CTNND2: variants seen among roughly 807,000 people sequenced by gnomAD.
CTNND2 encodes catenin delta-2.
Under a neutral mutation model 144.4 loss-of-function variants are expected in CTNND2, and 22 were observed. That is an observed-to-expected ratio of 0.15 (90% CI 0.11 to 0.22). CTNND2 has a LOEUF of 0.22. CTNND2 is among the 10% of genes least tolerant of loss of function. The pLI is 1.00. For missense variants in CTNND2, 1,353 were observed against 1,618.8 expected (o/e 0.84, Z 2.82); for synonymous variants, 751 against 695.6 (o/e 1.08, Z -1.25).
At chr5:11,422,849 C>T (rs1433765938) in intron 3 of CTNND2, among the ~76,000 whole-genome samples, 2 of 152,156 alleles carry the variant, frequency 1.3e-5, no homozygotes, top group Non-Finnish European at 2.9e-5. Flanking sequence ...ACAAGAGACA[C>T]ATTATGCATA....
intron 14 of CTNND2, among the ~76,000 whole-genome samples, chr5:11,106,881 A>G (rs1164966691): frequency 6.6e-6 from 1 of 152,158 alleles, no homozygotes; most frequent in African/African-American, 2.4e-5. Flanking sequence ...GGGGTCCTAA[A>G]GGAAAGGATA....
intron 1 of CTNND2, among the ~76,000 whole-genome samples, chr5:11,739,242 A>G (rs1036751651): frequency 1.2e-4 from 19 of 152,068 alleles, no homozygotes; most frequent in Non-Finnish European, 2.2e-4. Flanking sequence ...TCCAGGCAGG[A>G]GAGGTCTTGA....
chr5:11,447,452 G>C (rs61755467), intron 3 of CTNND2, among the ~76,000 whole-genome samples: 13 of 152,096 alleles, frequency 8.5e-5, no homozygotes, highest in African/African-American at 3.1e-4. Context: ...AAGGGAATAG[G>C]AATGATAAGT....
intron 3 of CTNND2, among the ~76,000 whole-genome samples, chr5:11,538,831 T>G (rs2150066393): frequency 6.6e-6 from 1 of 152,286 alleles, no homozygotes; most frequent in Non-Finnish European, 1.5e-5. Context: ...ATGTTATTTT[T>G]AATGACAAAG....
chr5:11,299,619 C>A (rs1749368935), intron 9 of CTNND2, among the ~76,000 whole-genome samples: 1 of 152,208 alleles, frequency 6.6e-6, no homozygotes, highest in Non-Finnish European at 1.5e-5. Flanking sequence ...CTAGCAGGAT[C>A]TGTGGGTCGT....
intron 11 of CTNND2, among the ~76,000 whole-genome samples, chr5:11,164,916 C>T (rs548899696): frequency 1.3e-4 from 20 of 152,250 alleles, no homozygotes; most frequent in Admixed American, 2.6e-4. Flanking sequence ...GAATGCCCAT[C>T]GTATGCAGAA....
chr5:11,737,878 G>C (rs189061767), intron 1 of CTNND2, among the ~76,000 whole-genome samples: 93 of 152,294 alleles, frequency 6.1e-4, no homozygotes, highest in Middle Eastern at 6.8e-3. Context: ...TTGACCAGCG[G>C]GGAAGAGAGG....
At chr5:11,058,957 T>C (rs1176012599) in intron 16 of CTNND2, among the ~76,000 whole-genome samples, 2 of 152,194 alleles carry the variant, frequency 1.3e-5, no homozygotes, top group African/African-American at 4.8e-5. Flanking sequence ...ATTTCTCACA[T>C]TTGGAATGGC....
At chr5:11,446,780 G>A (rs1182225511) in intron 3 of CTNND2, among the ~76,000 whole-genome samples, 3 of 152,144 alleles carry the variant, frequency 2.0e-5, no homozygotes, top group African/African-American at 7.2e-5. Context: ...GTTACAGAAG[G>A]AGCAAGTGGC....
intron 2 of CTNND2, among the ~76,000 whole-genome samples, chr5:11,571,267 G>A (rs1465321846): frequency 6.6e-6 from 1 of 152,160 alleles, no homozygotes; most frequent in Non-Finnish European, 1.5e-5. Context: ...CTGTTGGGGT[G>A]AAAGAGCTGA....
At chr5:11,590,102 G>C (rs978618781) in intron 2 of CTNND2, among the ~76,000 whole-genome samples, 3 of 149,820 alleles carry the variant, frequency 2.0e-5, no homozygotes, top group Non-Finnish European at 4.4e-5. Context: ...CTGGAGTGCA[G>C]TGACGCGATC....
rs117029472 is a variant in CTNND2 at position 11,310,466 on chromosome 5, C to T, written c.1628+35906G>A. Reference sequence around the variant, plus strand: ...TCTAAAACCCCAAAGTCATCTTTTGCGACAGCTCACAGATCTATCCCTTCA... The same window carrying T: ...TCTAAAACCCCAAAGTCATCTTTTGTGACAGCTCACAGATCTATCCCTTCA... On this transcript the variant is annotated intron_variant, in intron 9 of 21. Transcript: ENST00000304623. 6.1e-4 allele frequency among the ~76,000 whole-genome samples: 93 copies of T among 152,038 alleles called. 1 individual carries two copies. The East Asian group carries it at 0.015, about 24-fold the overall frequency.
intron 3 of CTNND2, 42 bp from the exon 4 acceptor site, chr5:11,412,111 A>C (rs1761592477): frequency 6.6e-7 from 1 of 1,510,006 alleles, no homozygotes; most frequent in African/African-American, 1.4e-5. Context: ...ATTGATTAGA[A>C]AAGAAAAATA....
At chr5:11,573,458 T>C (rs1336421944) in intron 2 of CTNND2, among the ~76,000 whole-genome samples, 1 of 152,096 alleles carries the variant, frequency 6.6e-6, no homozygotes, top group South Asian at 2.1e-4. Context: ...CACTGAAACA[T>C]GTTGCCAAGC....
At chr5:11,459,370 A>C (rs1458150303) in intron 3 of CTNND2, among the ~76,000 whole-genome samples, 1 of 152,208 alleles carries the variant, frequency 6.6e-6, no homozygotes. Context: ...GTAGAAAAAT[A>C]AGTAGAGTCT....
In CTNND2 at chr5:11,637,595, C is replaced by T. The variant is rs191678292; in HGVS notation, c.175-72539G>A. Among the ~76,000 whole-genome samples the T allele has an allele frequency of 3.3e-5, 5 of 152,254 alleles. No homozygotes were observed. The East Asian group carries it at 5.8e-4, about 18-fold the overall frequency. ...TGCCAGCGAAAATTAGACTAGCACA[C>T]ACATTCTGCAGTATCGATTCCTAAC... On this transcript the variant is annotated intron_variant, in intron 2 of 21. Transcript: ENST00000304623.
chr5:11,063,332 T>C (rs1747209552), intron 16 of CTNND2, among the ~76,000 whole-genome samples: 1 of 152,198 alleles, frequency 6.6e-6, no homozygotes, highest in Non-Finnish European at 1.5e-5. Flanking sequence ...GCATTTCCAA[T>C]ACAATTTTAC....
chr5:11,146,490 G>GT (rs1162820817), intron 12 of CTNND2, among the ~76,000 whole-genome samples: 20 of 152,180 alleles, frequency 1.3e-4, no homozygotes, highest in African/African-American at 4.6e-4. Context: ...CTAAGCTTCA[G>GT]TTTTTTCTTA....
At chr5:11,813,373 A>C (rs1399228792) in intron 1 of CTNND2, among the ~76,000 whole-genome samples, 2 of 152,184 alleles carry the variant, frequency 1.3e-5, no homozygotes, top group African/African-American at 4.8e-5. Context: ...GAACAAAGTG[A>C]AATAGTATAG....
Sources: gnomAD v4.1 joint callset for allele counts (sites outside exome capture counted in the v4.1 genomes callset) on GRCh38, gnomAD v4.1.1 for gene constraint, MANE v1.5 for transcripts, NCBI Gene and HGNC (gene_info 2026-07-23, HGNC 2026-07-21) for gene names.